Variants in GCNT2 observed in about 807,000 individuals in gnomAD.
GCNT2 encodes the protein N-acetyllactosaminide beta-1,6-N-acetylglucosaminyl-transferase.
In GCNT2, 34 loss-of-function variants were observed where a neutral mutation model predicts 34.2. That is an observed-to-expected ratio of 1.00 (90% CI 0.76 to 1.32). The LOEUF (loss-of-function observed/expected upper bound fraction) is 1.32, where lower values mean the gene tolerates loss of function less well. Among genes scored for constraint, GCNT2 ranks in the 40% most tolerant of loss-of-function variants. The pLI is 0.00. For synonymous variants in GCNT2, 212 were observed against 188.0 expected, an observed-to-expected ratio of 1.13 and a Z score of -1.04; for missense variants, 584 against 489.4, an observed-to-expected ratio of 1.19 and a Z score of -1.82.
intron 3 of GCNT2, chr6:10,581,757 G>T: frequency 1.0e-6 from 1 of 985,232 alleles, no homozygotes; most frequent in South Asian, 4.7e-5. Context: ...GACTGAACCT[G>T]CAATAGAAGA....
At chr6:10,562,656 G>GAAAAAAAAAAAAAA (rs57868433) in intron 3 of GCNT2, among the ~76,000 whole-genome samples, 10 of 77,524 alleles carry the variant, frequency 1.3e-4, no homozygotes, top group Non-Finnish European at 1.6e-4. Context: ...GAACTTCTCT[G>GAAAAAAAAAAAAAA]AAAAAAAAAA....
intron 3 of GCNT2, among the ~76,000 whole-genome samples, chr6:10,562,946 G>T (rs1763072656): frequency 6.6e-6 from 1 of 152,172 alleles, no homozygotes; most frequent in African/African-American, 2.4e-5. Context: ...ATCACCAGAA[G>T]TCGGGAGTTC....
intron 3 of GCNT2, chr6:10,586,305 G>C: frequency 1.2e-6 from 2 of 1,614,166 alleles, no homozygotes; most frequent in Non-Finnish European, 1.7e-6. Flanking sequence ...CATCCATAAG[G>C]ACTTTGACAC....
intron 3 of GCNT2, chr6:10,586,712 C>T (rs768254927): frequency 1.9e-6 from 3 of 1,614,002 alleles, no homozygotes; most frequent in Non-Finnish European, 2.5e-6. Flanking sequence ...ATAAAGGTGG[C>T]TTTTTTGTGA....
At chr6:10,522,333 C>T (rs1760958100) in intron 1 of GCNT2, among the ~76,000 whole-genome samples, 1 of 152,150 alleles carries the variant, frequency 6.6e-6, no homozygotes, top group African/African-American at 2.4e-5. Context: ...TATGAAAACC[C>T]ATCTTCTGAT....
intron 3 of GCNT2, among the ~76,000 whole-genome samples, chr6:10,584,110 T>C (rs1223689152): frequency 2.6e-5 from 4 of 152,070 alleles, no homozygotes; most frequent in Non-Finnish European, 5.9e-5. Flanking sequence ...GTCTCTGAGT[T>C]CTCTCAGTAT....
Position 10,596,043 on chromosome 6 carries a change from G to T in GCNT2, c.926-25308G>T, listed in dbSNP as rs541298187. 4.7e-4 allele frequency among the ~76,000 whole-genome samples: 71 copies of T among 152,164 alleles called. 2 individuals are homozygous for T. The South Asian group carries it at 0.013, about 27-fold the overall frequency. ...CAAAATTCTGATATTCCAGACTAAG[G>T]CTTTCTCCTCATCCCATAATAACAG... is the stretch of plus-strand genomic sequence containing the variant. On this transcript the variant is annotated intron_variant, in intron 3 of 4. Transcript: ENST00000495262.
intron 3 of GCNT2, among the ~76,000 whole-genome samples, chr6:10,602,286 G>A (rs562712435): frequency 6.6e-6 from 1 of 152,216 alleles, no homozygotes; most frequent in African/African-American, 2.4e-5. Context: ...GTACTCCTAG[G>A]ACCCCCTACC....
chr6:10,593,555 C>A (rs549962139), intron 3 of GCNT2, among the ~76,000 whole-genome samples: 1 of 152,228 alleles, frequency 6.6e-6, no homozygotes, highest in Non-Finnish European at 1.5e-5. Context: ...CCAGGCTGGT[C>A]TCAAACTCCA....
intron 3 of GCNT2, among the ~76,000 whole-genome samples, chr6:10,562,672 A>AAC (rs1554130713): frequency 6.6e-6 from 1 of 151,390 alleles, no homozygotes; most frequent in Non-Finnish European, 1.5e-5. Context: ...AAAAAAAAAA[A>AAC]AAAAACAAAA....
intron 3 of GCNT2, among the ~76,000 whole-genome samples, chr6:10,573,768 A>AC (rs1763662614): frequency 6.6e-6 from 1 of 152,218 alleles, no homozygotes; most frequent in Non-Finnish European, 1.5e-5. Context: ...CACTGGAGTA[A>AC]CCAAGTCAGA....
chr6:10,598,994 A>G lies in GCNT2; in HGVS notation c.926-22357A>G, dbSNP rs9918367. Among the ~76,000 whole-genome samples, 298 of 152,296 alleles carry G rather than the reference A, an allele frequency of 2.0e-3. 1 individual carries two copies. The highest frequency in any genetic ancestry group is 7.1e-3 in the African/African-American group (295 of 41,566). On this transcript the variant is annotated intron_variant, in intron 3 of 4. Transcript: ENST00000495262. ...ATAAGTGTTGTATTTATTCCACCCA[A>G]TTGCCCTCGTTAAGGGGAAAATTAG... is the stretch of plus-strand genomic sequence containing the variant.
intron 3 of GCNT2, among the ~76,000 whole-genome samples, chr6:10,555,516 G>A (rs987399614): frequency 2.0e-5 from 3 of 152,290 alleles, no homozygotes; most frequent in Non-Finnish European, 4.4e-5. Flanking sequence ...TTGTGACCAA[G>A]ATTCAAATTA....
At chr6:10,589,525 C>T (rs1561822584) in intron 3 of GCNT2, among the ~76,000 whole-genome samples, 1 of 152,014 alleles carries the variant, frequency 6.6e-6, no homozygotes, top group Non-Finnish European at 1.5e-5. Context: ...TCCACCATCC[C>T]TCAAAGGCTT....
chr6:10,578,637 G>A (rs538514861), intron 3 of GCNT2, among the ~76,000 whole-genome samples: 1 of 151,738 alleles, frequency 6.6e-6, no homozygotes, highest in Non-Finnish European at 1.5e-5. Context: ...TAGTAGAGAC[G>A]GGGTTTCATC....
intron 3 of GCNT2, among the ~76,000 whole-genome samples, chr6:10,605,260 G>A (rs1765259703): frequency 7.7e-6 from 1 of 129,208 alleles, no homozygotes; most frequent in African/African-American, 3.1e-5. Context: ...CTGCCACCCA[G>A]GCTGGAGTGC....
chr6:10,550,268 G>A (rs942235065), intron 3 of GCNT2, among the ~76,000 whole-genome samples: 6 of 152,194 alleles, frequency 3.9e-5, no homozygotes, highest in South Asian at 4.1e-4. Context: ...TAGCCAGGCT[G>A]GTCTTGAACT....
At chr6:10,532,614 G>A (rs888512202) in intron 3 of GCNT2, among the ~76,000 whole-genome samples, 1 of 152,124 alleles carries the variant, frequency 6.6e-6, no homozygotes, top group African/African-American at 2.4e-5. Flanking sequence ...TGGGACTACA[G>A]GCATGTGCCC....
intron 3 of GCNT2, chr6:10,581,779 CTT>C: frequency 3.0e-6 from 3 of 985,210 alleles, no homozygotes; most frequent in Non-Finnish European, 3.6e-6. Context: ...CTTTGCCTCT[CTT>C]TTCTCACTCC....
Sources: gnomAD v4.1 joint callset for allele counts (sites outside exome capture counted in the v4.1 genomes callset) on GRCh38, gnomAD v4.1.1 for gene constraint, MANE v1.5 for transcripts, NCBI Gene and HGNC (gene_info 2026-07-23, HGNC 2026-07-21) for gene names.